DCDC1: variants seen among roughly 807,000 people sequenced by gnomAD.
DCDC1 encodes the protein doublecortin domain-containing protein 1.
A neutral mutation model predicts 178.3 loss-of-function variants in DCDC1; 200 were observed. The ratio of observed to expected loss-of-function variants is 1.12; its 90% CI spans 1.00 to 1.26. DCDC1 has a LOEUF of 1.26. DCDC1 is among the 50% of genes most tolerant of loss of function. DCDC1 has a pLI of 0.00. For synonymous variants in DCDC1, 690 were observed against 604.8 expected (o/e 1.14, Z -2.07); for missense variants, 1,983 against 1,749.2 (o/e 1.13, Z -2.38).
intron 11 of DCDC1, among the ~76,000 whole-genome samples, chr11:31,120,429 C>G (rs1960626354): frequency 6.6e-6 from 1 of 152,126 alleles, no homozygotes; most frequent in Non-Finnish European, 1.5e-5. Context: ...GTAAGTATTT[C>G]TGATGAGCTG....
intron 10 of DCDC1, among the ~76,000 whole-genome samples, chr11:31,134,782 G>GC (rs1286298781): frequency 6.6e-6 from 1 of 152,152 alleles, no homozygotes; most frequent in African/African-American, 2.4e-5. Context: ...ATCACTTGAG[G>GC]CCAGGAGTTC....
intron 2 of DCDC1, among the ~76,000 whole-genome samples, chr11:31,328,765 C>A (rs1208965273): frequency 6.8e-6 from 1 of 146,990 alleles, no homozygotes; most frequent in African/African-American, 2.6e-5. Context: ...GCGGTGAGAT[C>A]GCGCCACTGC....
intron 20 of DCDC1, among the ~76,000 whole-genome samples, chr11:31,031,618 T>TAGA (rs1436506444): frequency 6.6e-6 from 1 of 152,122 alleles, no homozygotes; most frequent in East Asian, 1.9e-4. Context: ...AATCTCTATG[T>TAGA]CTTATACAAT....
At chr11:31,264,106 T>C (rs200400210) in intron 8 of DCDC1, among the ~76,000 whole-genome samples, 1 of 152,224 alleles carries the variant, frequency 6.6e-6, no homozygotes, top group East Asian at 1.9e-4. Flanking sequence ...CAAGAGTAGA[T>C]AGTTTAATTC....
At chr11:31,100,045 G>C (rs796559891) in intron 15 of DCDC1, among the ~76,000 whole-genome samples, 3 of 152,114 alleles carry the variant, frequency 2.0e-5, no homozygotes, top group Non-Finnish European at 4.4e-5. Context: ...AGCCTTTATT[G>C]AACATGCCAA....
At chr11:31,038,075 T>C (rs10742254) in intron 20 of DCDC1, among the ~76,000 whole-genome samples, 3 of 123,528 alleles carry the variant, frequency 2.4e-5, no homozygotes, top group East Asian at 5.0e-4. Context: ...GGCCTGTTGT[T>C]GGGGGAGGGG....
At chr11:31,192,734 TG>T (rs1010404887) in intron 9 of DCDC1, among the ~76,000 whole-genome samples, 2 of 152,060 alleles carry the variant, frequency 1.3e-5, no homozygotes, top group African/African-American at 2.4e-5. Flanking sequence ...AAGACTCTGA[TG>T]GTTAGTTTTT....
Position 30,903,767 on chromosome 11 carries a change from C to T in DCDC1, c.4309-84G>A, listed in dbSNP as rs1396633885. The T allele has an allele frequency of 7.9e-6, 9 of 1,136,226 alleles. No individual in the cohort carries two copies. The East Asian group carries it at 8.7e-5, about 11-fold the overall frequency. 70.4% of individuals were successfully genotyped at this position (1,136,226 alleles called of 1,614,324 possible). A position where few individuals can be genotyped will look rare whatever the true frequency, so the allele number is the denominator to read the frequency against. On this transcript the variant is annotated intron_variant, in intron 31 of 38. Coordinates refer to ENST00000684477, the MANE Select transcript of DCDC1 (RefSeq NM_001387274.1). ...ATTAAGAGCTTGTCATTCTAAAAAT[C>T]TGAAAAAAAAAATAATTGAATTTGA...
intron 21 of DCDC1, among the ~76,000 whole-genome samples, chr11:30,941,935 C>A (rs1212031842): frequency 1.3e-5 from 2 of 152,078 alleles, no homozygotes; most frequent in African/African-American, 4.8e-5. Context: ...TATATTTTTA[C>A]TAGAATATCT....
Position 30,881,225 on chromosome 11 carries a change from G to C in DCDC1, c.5166C>G (p.Ser1722=). Reference sequence around the variant, plus strand: ...CCATATCTCGCTCTATGTCGTCCCAGGACTGAATTGGCTCTCCACTGGGGG... The same window carrying C: ...CCATATCTCGCTCTATGTCGTCCCACGACTGAATTGGCTCTCCACTGGGGG... ...LYTPSGEPIQ[S]WDDIERDMVI... Residue 1722 remains serine (S), a synonymous_variant, in exon 37 of 39, where the codon TCC becomes TCG. Coordinates refer to ENST00000684477, the MANE Select transcript of DCDC1 (RefSeq NM_001387274.1). 1.2e-6 allele frequency: 2 copies of C among 1,613,544 alleles called. No individual in the cohort carries two copies. The highest frequency in any genetic ancestry group is 2.7e-5 in the African/African-American group (2 of 75,024).
chr11:31,328,269 T>C lies in DCDC1; in HGVS notation c.12A>G (p.Thr4=). 9.0e-6 allele frequency: 14 copies of C among 1,561,214 alleles called. No individual in the cohort carries two copies. Among genetic ancestry groups the C allele is most frequent in the Non-Finnish European group, 1.2e-5 (14 of 1,150,784 alleles). MAK[T]GAEDHREALS... is the part of the protein sequence containing the mutation. ...GTGCTTCTCTGTGATCTTCTGCTCC[T>C]GTTTTTGCCATTTTCAGCTAAAAAT... The change falls in exon 3 of 39, where the codon ACA becomes ACG. Residue 4 remains threonine, a synonymous_variant. Transcript: ENST00000684477.
At chr11:31,337,629 C>A (rs1026001031) in intron 1 of DCDC1, among the ~76,000 whole-genome samples, 1 of 151,302 alleles carries the variant, frequency 6.6e-6, no homozygotes, top group Non-Finnish European at 1.5e-5. Context: ...CATGCCCCTG[C>A]ACTCCTGCCT....
At position 31,065,356 on chromosome 11, in the gene DCDC1, T is replaced by G. The variant is rs1016218045; in HGVS notation, c.2299-203A>C. On this transcript the variant is annotated intron_variant, in intron 18 of 38. Transcript: ENST00000684477. ...GTTTCTAATTAGTTGTTTAATCTGA[T>G]TAAGTTTCACTACATAGCTCATTTT... is the stretch of plus-strand genomic sequence containing the variant. Among the ~76,000 whole-genome samples the G allele has an allele frequency of 3.3e-5, 5 of 152,266 alleles. No homozygotes were observed. In the Middle Eastern group the frequency reaches 0.01, roughly 311 times the overall value.
At chr11:31,127,138 T>C (rs960495592) in intron 11 of DCDC1, among the ~76,000 whole-genome samples, 8 of 152,210 alleles carry the variant, frequency 5.3e-5, no homozygotes, top group Non-Finnish European at 7.4e-5. Flanking sequence ...AAATGTTATT[T>C]TTAGAAACTG....
intron 6 of DCDC1, among the ~76,000 whole-genome samples, chr11:31,303,250 T>C (rs1244376610): frequency 1.3e-5 from 2 of 152,194 alleles, no homozygotes; most frequent in Non-Finnish European, 2.9e-5. Context: ...AATAAATGTT[T>C]GTTGAATGAA....
intron 10 of DCDC1, among the ~76,000 whole-genome samples, chr11:31,132,819 C>T (rs1024490551): frequency 4.6e-5 from 7 of 152,116 alleles, no homozygotes; most frequent in Non-Finnish European, 1.0e-4. Context: ...AAATGCAGCA[C>T]GGAAGTGACA....
chr11:31,189,762 CT>C (rs1253990845), intron 9 of DCDC1, among the ~76,000 whole-genome samples: 6 of 152,260 alleles, frequency 3.9e-5, no homozygotes, highest in Non-Finnish European at 8.8e-5. Flanking sequence ...TCCTGCCTCC[CT>C]CTTATAAGGA....
At chr11:31,164,490 C>CA (rs1966599876) in intron 9 of DCDC1, among the ~76,000 whole-genome samples, 1 of 152,090 alleles carries the variant, frequency 6.6e-6, no homozygotes, top group African/African-American at 2.4e-5. Context: ...TGTTATTGAT[C>CA]ATCCTGACCC....
intron 6 of DCDC1, among the ~76,000 whole-genome samples, chr11:31,299,985 G>C (rs1947979910): frequency 6.6e-6 from 1 of 152,080 alleles, no homozygotes; most frequent in Non-Finnish European, 1.5e-5. Flanking sequence ...AGCCTTCCTA[G>C]TATCTGGGAC....
Sources: allele counts gnomAD v4.1 joint callset (sites outside exome capture counted in the v4.1 genomes callset), GRCh38; gene constraint gnomAD v4.1.1; transcripts MANE v1.5; gene names NCBI Gene and HGNC (gene_info 2026-07-23, HGNC 2026-07-21).